The following SPATA13 variants were observed in gnomAD, a reference collection of about 807,000 sequenced individuals.
The protein encoded by SPATA13 is spermatogenesis associated 13, also known as spermatogenesis-associated protein 13.
A neutral mutation model predicts 104.0 loss-of-function variants in SPATA13; 50 were observed. That is an observed-to-expected ratio of 0.48 (90% CI 0.38 to 0.61). The LOEUF (loss-of-function observed/expected upper bound fraction) is 0.61, where lower values mean the gene tolerates loss of function less well. SPATA13 is among the 20% of genes least tolerant of loss of function. The pLI, the probability that SPATA13 is intolerant of heterozygous loss-of-function variation, is 0.00. For synonymous variants in SPATA13, 606 were observed against 667.5 expected, an observed-to-expected ratio of 0.91 and a Z score of 1.42; for missense variants, 1,524 against 1,690.6, an observed-to-expected ratio of 0.90 and a Z score of 1.73.
intron 1 of SPATA13, among the ~76,000 whole-genome samples, chr13:24,190,451 A>C (rs200284685): frequency 6.7e-6 from 1 of 148,190 alleles, no homozygotes; most frequent in East Asian, 2.0e-4. Flanking sequence ...AGTAAAGTGA[A>C]AACCTTCTGG....
intron 3 of SPATA13, among the ~76,000 whole-genome samples, chr13:24,072,812 C>CTACT (rs976067105): frequency 7.8e-6 from 1 of 127,898 alleles, no homozygotes; most frequent in Non-Finnish European, 1.6e-5. Flanking sequence ...TCCTCAGTGT[C>CTACT]TACTGTTGGC....
intron 1 of SPATA13, among the ~76,000 whole-genome samples, chr13:24,198,881 A>ACCTTT (rs1197682202): frequency 6.6e-6 from 1 of 151,698 alleles, no homozygotes; most frequent in Non-Finnish European, 1.5e-5. Flanking sequence ...GTGATGCAGG[A>ACCTTT]CCTTTTCTGC....
chr13:24,295,092 A>G (rs1876672076), intron 10 of SPATA13, among the ~76,000 whole-genome samples: 2 of 152,198 alleles, frequency 1.3e-5, no homozygotes, highest in Non-Finnish European at 1.5e-5. Context: ...GAGTATCTGC[A>G]GTTAATTTAT....
Position 24,286,691 on chromosome 13 carries a change from G to T in SPATA13, c.2482-74G>T. The T allele has an allele frequency of 7.1e-7, 1 of 1,410,388 alleles. No homozygotes were observed. The highest frequency in any genetic ancestry group is 9.7e-7 in the Non-Finnish European group (1 of 1,030,140). 87.4% of individuals were successfully genotyped at this position (1,410,388 alleles called of 1,614,324 possible). A position where few individuals can be genotyped will look rare whatever the true frequency, so the allele number is the denominator to read the frequency against. On this transcript the variant is annotated intron_variant, in intron 6 of 12. Coordinates refer to ENST00000382108, the MANE Select transcript of SPATA13 (RefSeq NM_001166271.3). The surrounding 1 kb of genome is among the most constrained non-coding windows in gnomAD (Gnocchi z 4.9). Reference sequence around the variant, plus strand: ...ACAGGTCACAGGAAAGTAGGAACCTGGGAGGTCTCCTGCCTCTGCTCCATG... The same window carrying T: ...ACAGGTCACAGGAAAGTAGGAACCTTGGAGGTCTCCTGCCTCTGCTCCATG...
intron 9 of SPATA13, among the ~76,000 whole-genome samples, chr13:24,292,723 C>T (rs115663047): frequency 1.3e-3 from 195 of 152,110 alleles, no homozygotes; most frequent in African/African-American, 4.4e-3. Context: ...TCTGGCCGGG[C>T]GCCATGGCTC....
At chr13:24,270,835 G>A in intron 4 of SPATA13, 4 of 1,612,850 alleles carry the variant, frequency 2.5e-6, no homozygotes, top group Non-Finnish European at 3.4e-6. Context: ...TGCTCTGAAG[G>A]TTGCCGTTTT....
At chr13:24,295,890 A>G (rs192771157) in intron 10 of SPATA13, among the ~76,000 whole-genome samples, 4 of 152,190 alleles carry the variant, frequency 2.6e-5, no homozygotes, top group Non-Finnish European at 5.9e-5. Flanking sequence ...AACTTGCCCA[A>G]GACCACACAG....
At chr13:24,073,822 G>A (rs911948902) in intron 3 of SPATA13, among the ~76,000 whole-genome samples, 1 of 152,204 alleles carries the variant, frequency 6.6e-6, no homozygotes, top group Non-Finnish European at 1.5e-5. Flanking sequence ...GGGAGAAATA[G>A]TCTGAAACAC....
rs543061406 is a variant in SPATA13 at position 24,011,506 on chromosome 13, C to T, written c.-146-6161C>T. Among the ~76,000 whole-genome samples, 1 of 152,292 alleles carries T rather than the reference C, an allele frequency of 6.6e-6. No homozygotes were observed. The highest frequency in any genetic ancestry group is 2.4e-5 in the African/African-American group (1 of 41,558). Reference sequence around the variant, plus strand: ...GAGGACAGAACCTGGAATTCTGTTGCCACGCTCCCTGTCCTGGCTGGCTGA... The same window carrying T: ...GAGGACAGAACCTGGAATTCTGTTGTCACGCTCCCTGTCCTGGCTGGCTGA... On this transcript the variant is annotated intron_variant, in intron 2 of 14. Coordinates refer to the SPATA13 transcript ENST00000424834. The surrounding 1 kb of genome is among the most constrained non-coding windows in gnomAD (Gnocchi z 4.3).
intron 2 of SPATA13, among the ~76,000 whole-genome samples, chr13:23,990,308 C>T (rs1383133092): frequency 6.6e-6 from 1 of 152,222 alleles, no homozygotes; most frequent in Non-Finnish European, 1.5e-5. Flanking sequence ...CCTTTGATGG[C>T]CACCACTCCC....
At chr13:24,138,336 T>C (rs1311870756) in intron 3 of SPATA13, among the ~76,000 whole-genome samples, 1 of 151,616 alleles carries the variant, frequency 6.6e-6, no homozygotes, top group Non-Finnish European at 1.5e-5. Context: ...TTTACTGAAT[T>C]AGTATTATTA....
At chr13:24,233,924 CACACTGA>C (rs1281844212) in intron 2 of SPATA13, among the ~76,000 whole-genome samples, 4 of 135,466 alleles carry the variant, frequency 3.0e-5, no homozygotes, top group East Asian at 4.2e-4. Flanking sequence ...CACACACACA[CACACTGA>C]TAAGATTATT....
At position 24,160,721 on chromosome 13, in the gene SPATA13, A is replaced by T. The variant is rs1373400526; in HGVS notation, c.-323A>T. 1.7e-5 allele frequency: 17 copies of T among 984,992 alleles called. No individual in the cohort carries two copies. The highest frequency in any genetic ancestry group is 2.0e-5 in the Non-Finnish European group (17 of 830,128). The allele number at this position is 984,992 out of a possible 1,614,324, so 61.0% of individuals were successfully genotyped here. ...GCGGGGCTGGGGCGTGGCTTGGCTG[A>T]GTGTGCTGCCGCGGCGCGGGAGGAG... On this transcript the variant is annotated 5_prime_UTR_variant, in exon 1 of 13. Coordinates refer to ENST00000382108, the MANE Select transcript of SPATA13 (RefSeq NM_001166271.3).
At chr13:24,196,171 C>T (rs1870046275) in intron 1 of SPATA13, among the ~76,000 whole-genome samples, 1 of 152,036 alleles carries the variant, frequency 6.6e-6, no homozygotes, top group South Asian at 2.1e-4. Context: ...ATATGTTACC[C>T]AAATTTGATG....
intron 4 of SPATA13, among the ~76,000 whole-genome samples, chr13:24,277,629 C>T (rs1049946910): frequency 4.6e-5 from 7 of 152,078 alleles, no homozygotes; most frequent in African/African-American, 1.7e-4. Context: ...CTGTATAGCC[C>T]TGATAAATGA....
intron 1 of SPATA13, among the ~76,000 whole-genome samples, chr13:23,982,037 G>C (rs944340717): frequency 6.6e-6 from 1 of 152,164 alleles, no homozygotes; most frequent in African/African-American, 2.4e-5. Flanking sequence ...TTTAAATTTG[G>C]TTATTCATGA....
At chr13:24,176,849 C>T (rs756029157) in intron 1 of SPATA13, among the ~76,000 whole-genome samples, 11 of 152,106 alleles carry the variant, frequency 7.2e-5, no homozygotes, top group East Asian at 3.8e-4. Flanking sequence ...CTGCAACCTC[C>T]GCCTCCTGGG....
intron 3 of SPATA13, among the ~76,000 whole-genome samples, chr13:24,102,494 A>G (rs1880290018): frequency 4.8e-5 from 4 of 83,076 alleles, no homozygotes; most frequent in African/African-American, 1.8e-4. Context: ...TTTTTTTTTG[A>G]GATGGAGTCT....
chr13:24,028,226 T>C (rs924310352), intron 3 of SPATA13, among the ~76,000 whole-genome samples: 3 of 152,208 alleles, frequency 2.0e-5, no homozygotes, highest in African/African-American at 7.2e-5. Context: ...TTTTCTTTGC[T>C]CATCATTCCT....
Sources: allele counts gnomAD v4.1 joint callset (sites outside exome capture counted in the v4.1 genomes callset), GRCh38; gene constraint gnomAD v4.1.1; non-coding constraint Gnocchi (gnomAD v3.1); transcripts MANE v1.5; gene names NCBI Gene and HGNC (gene_info 2026-07-23, HGNC 2026-07-21).